RIT1: variants seen among roughly 807,000 people sequenced by gnomAD.
The protein encoded by RIT1 is GTP-binding protein Rit1.
RIT1 carries 6 observed loss-of-function variants against 25.6 expected under a neutral mutation model. The observed-to-expected ratio is 0.23, with a 90% CI of 0.13 to 0.46. The LOEUF (loss-of-function observed/expected upper bound fraction) is 0.46, where lower values mean the gene tolerates loss of function less well. Ranked by LOEUF, RIT1 falls within the 20% of genes least tolerant of loss-of-function variation. RIT1 has a pLI of 0.99. For synonymous variants in RIT1, 81 were observed against 94.1 expected (o/e 0.86, Z 0.80); for missense variants, 219 against 284.4 (o/e 0.77, Z 1.65).
intron 5 of RIT1, 90 bp downstream of exon 5, chr1:155,904,221 T>C: frequency 9.5e-7 from 1 of 1,054,890 alleles, no homozygotes; most frequent in East Asian, 2.5e-5. Flanking sequence ...GGCAAAAAAA[T>C]CTGTAAGCCA....
At position 155,903,929 on chromosome 1, in the gene RIT1, G is replaced by C. The variant is rs112779972; in HGVS notation, c.429+382C>G. Among the ~76,000 whole-genome samples, 1,340 of 152,308 alleles carry C rather than the reference G, an allele frequency of 8.8e-3. 19 individuals carry two copies. Among genetic ancestry groups the C allele is most frequent in the African/African-American group, 0.031 (1,293 of 41,570 alleles). ...CAAAGCTGAACTGGGATGATTGCTT[G>C]AGCTGGGGAGGTAGAGGCTGCAGTA... On this transcript the variant is annotated intron_variant, in intron 5 of 5. Transcript: ENST00000368323.
chr1:155,898,830 C>T lies in RIT1; in HGVS notation c.*1558G>A. The T allele has an allele frequency of 5.2e-6, 1 of 192,856 alleles. No homozygotes were observed. The highest frequency in any genetic ancestry group is 2.3e-5 in the African/African-American group (1 of 43,172). The allele number at this position is 192,856 out of a possible 1,614,324, so 11.9% of individuals were successfully genotyped here. On this transcript the variant is annotated 3_prime_UTR_variant, in exon 6 of 6. Coordinates refer to ENST00000368323, the MANE Select transcript of RIT1 (RefSeq NM_006912.6). Reference sequence around the variant, plus strand: ...AGGAGTTTAAAAAGGGACCACTACTCAGAGCTAAAAAAGTTCTAACAGTCA... The same window carrying T: ...AGGAGTTTAAAAAGGGACCACTACTTAGAGCTAAAAAAGTTCTAACAGTCA...
At chr1:155,906,177 T>C (rs1036614796) in intron 3 of RIT1, among the ~76,000 whole-genome samples, 7 of 152,128 alleles carry the variant, frequency 4.6e-5, no homozygotes, top group African/African-American at 7.2e-5. Flanking sequence ...TTCTCTTTTC[T>C]GAAAGCAAAT....
At chr1:155,902,218 C>T (rs1254954137) in intron 5 of RIT1, among the ~76,000 whole-genome samples, 1 of 151,982 alleles carries the variant, frequency 6.6e-6, no homozygotes, top group Non-Finnish European at 1.5e-5. Flanking sequence ...TCAGGAGAAA[C>T]ATTATTATGC....
Position 155,904,347 on chromosome 1 carries a change from A to G in RIT1, c.393T>C (p.Leu131=), listed in dbSNP as rs34974790. The G allele has an allele frequency of 6.2e-6, 10 of 1,613,974 alleles. No homozygotes were observed. In the Middle Eastern group the frequency reaches 4.9e-4, roughly 80 times the overall value. Residue 131 remains leucine (L), a synonymous_variant, in exon 5 of 6, where the codon CTT becomes CTC. Transcript: ENST00000368323. ...VRRTDDTPVV[L]VGNKSDLKQL... ...GTTTGAGGTCTGACTTGTTTCCCAC[A>G]AGAACCACAGGTGTATCGTCAGTAC...
intron 3 of RIT1, among the ~76,000 whole-genome samples, chr1:155,905,348 C>T (rs150541909): frequency 6.6e-6 from 1 of 152,212 alleles, no homozygotes; most frequent in African/African-American, 2.4e-5. Flanking sequence ...AGGCGTGCTA[C>T]CACCATGTCT....
chr1:155,905,650 T>C (rs1673422319), intron 3 of RIT1, among the ~76,000 whole-genome samples: 1 of 152,130 alleles, frequency 6.6e-6, no homozygotes, highest in Admixed American at 6.6e-5. Context: ...GTAGGCATTA[T>C]TACCTCCATT....
rs1401658925 is a variant in RIT1 at position 155,900,497 on chromosome 1, C to T, written c.551G>A (p.Arg184Lys). ...VFHALVREIR[R>K]KEKEAVLAME... ...GGCCAGTACTGCCTCCTTTTCTTTCCTACGTATCTCCCGTACAAGGGCATG... is the reference window on the plus strand; with the variant it reads ...GGCCAGTACTGCCTCCTTTTCTTTCTTACGTATCTCCCGTACAAGGGCATG... Residue 184 changes from arginine (R) to lysine (K), a missense_variant, in exon 6 of 6, where the codon AGG (arginine) becomes AAG (lysine). This residue lies in a region of RIT1 where 81 missense variants were observed against 83.8 expected (regional missense o/e 0.97). Transcript: ENST00000368323. 6.2e-7 allele frequency: 1 copy of T among 1,613,936 alleles called. No individual in the cohort carries two copies. Among genetic ancestry groups the T allele is most frequent in the African/African-American group, 1.3e-5 (1 of 74,878 alleles).
At position 155,910,518 on chromosome 1, in the gene RIT1, G is replaced by A; in HGVS notation, c.107-12C>T. Reference sequence around the variant, plus strand: ...CTGCATGGTCATGGCTTCAAAAGAAGAAATAAAAGTCAAATCCTCACAAAG... The same window carrying A: ...CTGCATGGTCATGGCTTCAAAAGAAAAAATAAAAGTCAAATCCTCACAAAG... On this transcript the variant is annotated splice_polypyrimidine_tract_variant and intron_variant, in intron 2 of 5. Coordinates refer to ENST00000368323, the MANE Select transcript of RIT1 (RefSeq NM_006912.6). 3.1e-6 allele frequency: 5 copies of A among 1,613,914 alleles called. No homozygotes were observed. The highest frequency in any genetic ancestry group is 4.2e-6 in the Non-Finnish European group (5 of 1,179,860).
chr1:155,909,931 A>AAC lies in RIT1; in HGVS notation c.163+518_163+519insGT, dbSNP rs1184746216. On this transcript the variant is annotated intron_variant, in intron 3 of 5. Transcript: ENST00000368323. ...TGCGAGACTCCATCTCAAAAAAAAA[A>AAC]AAAAAACAACAGACAGACATGGGAG... is the stretch of plus-strand genomic sequence containing the variant. Among the ~76,000 whole-genome samples, 3 of 151,476 alleles carry AAC rather than the reference A, an allele frequency of 2.0e-5. 1 individual carries two copies. The highest frequency in any genetic ancestry group is 4.4e-5 in the Non-Finnish European group (3 of 67,816).
intron 5 of RIT1, 60 bp from the exon 6 acceptor site, chr1:155,900,678 C>T (rs1258489279): frequency 7.6e-7 from 1 of 1,316,262 alleles, no homozygotes; most frequent in Non-Finnish European, 1.1e-6. Flanking sequence ...GTCCAAAAAC[C>T]TGAATGCACC....
intron 3 of RIT1, among the ~76,000 whole-genome samples, chr1:155,905,352 C>A (rs893963718): frequency 2.0e-5 from 3 of 151,910 alleles, no homozygotes; most frequent in African/African-American, 7.3e-5. Flanking sequence ...GTGCTACCAC[C>A]ATGTCTGGCT....
At chr1:155,910,307 C>A in intron 3 of RIT1, 143 bp downstream of exon 3, 1 of 670,984 alleles carries the variant, frequency 1.5e-6, no homozygotes. Flanking sequence ...CAGTTGCTTA[C>A]CAACTGCTGA....
At chr1:155,904,557 A>T (rs1472122115) in intron 4 of RIT1, 55 bp from the exon 5 acceptor site, 38 of 1,471,022 alleles carry the variant, frequency 2.6e-5, no homozygotes, top group Non-Finnish European at 3.6e-5. Flanking sequence ...AACTACACAC[A>T]CAATTAGCTA....
At position 155,900,454 on chromosome 1, in the gene RIT1, C is replaced by T. The variant is rs779457410; in HGVS notation, c.594G>A (p.Lys198=). The T allele has an allele frequency of 1.2e-5, 19 of 1,614,034 alleles. No individual in the cohort carries two copies. The Admixed American group carries it at 2.7e-4, about 23-fold the overall frequency. Residue 198 remains lysine, a synonymous_variant, in exon 6 of 6, where the codon AAG becomes AAA. Coordinates refer to ENST00000368323, the MANE Select transcript of RIT1 (RefSeq NM_006912.6). ...GCCTCTTCCATACACTGTTTTTGGG[C>T]TTAGATTTTTTCTCCATGGCCAGTA... ...EAVLAMEKKS[K]PKNSVWKRLK... is the part of the protein sequence containing the mutation.
intron 3 of RIT1, among the ~76,000 whole-genome samples, chr1:155,908,615 T>C (rs1213323216): frequency 1.4e-5 from 2 of 147,658 alleles, no homozygotes; most frequent in Non-Finnish European, 3.0e-5. Context: ...CAGGCTGGAG[T>C]GTGATGGCAC....
chr1:155,902,457 A>C (rs1673331301), intron 5 of RIT1, among the ~76,000 whole-genome samples: 1 of 151,618 alleles, frequency 6.6e-6, no homozygotes, highest in Non-Finnish European at 1.5e-5. Flanking sequence ...AATTGCTTGA[A>C]CCCAGGAGGC....
chr1:155,902,900 C>A (rs538875793), intron 5 of RIT1, among the ~76,000 whole-genome samples: 1 of 150,072 alleles, frequency 6.7e-6, no homozygotes, highest in Non-Finnish European at 1.5e-5. Flanking sequence ...CGGTGGCTCA[C>A]GCCTGTAATC....
At chr1:155,910,613 ACTTTT>A (rs780231750) in intron 2 of RIT1, 38 bp downstream of exon 2, 2 of 1,610,396 alleles carry the variant, frequency 1.2e-6, no homozygotes, top group South Asian at 2.2e-5. Flanking sequence ...TCATTTAAGT[ACTTTT>A]CATCCATGCT....
Sources: allele counts gnomAD v4.1 joint callset (sites outside exome capture counted in the v4.1 genomes callset), GRCh38; gene constraint gnomAD v4.1.1; regional missense constraint gnomAD v4.1.1; transcripts MANE v1.5; gene names NCBI Gene and HGNC (gene_info 2026-07-23, HGNC 2026-07-21).